The following CDKAL1 variants were observed in gnomAD, a reference collection of about 807,000 sequenced individuals.
CDKAL1 encodes CDKAL1 threonylcarbamoyladenosine tRNA methylthiotransferase.
A neutral mutation model predicts 68.2 loss-of-function variants in CDKAL1; 32 were observed. That is an observed-to-expected ratio of 0.47 (90% CI 0.35 to 0.63). CDKAL1 has a LOEUF of 0.63. Ranked by LOEUF, CDKAL1 falls within the 30% of genes least tolerant of loss-of-function variation. CDKAL1 has a pLI of 0.00. For missense variants in CDKAL1, 606 were observed against 696.7 expected, an observed-to-expected ratio of 0.87 and a Z score of 1.47; for synonymous variants, 234 against 244.3, an observed-to-expected ratio of 0.96 and a Z score of 0.39.
At chr6:20,717,307 A>AT (rs1772144870) in intron 5 of CDKAL1, among the ~76,000 whole-genome samples, 1 of 151,924 alleles carries the variant, frequency 6.6e-6, no homozygotes, top group African/African-American at 2.4e-5. Context: ...ATACATGCGT[A>AT]TATTTATGCT....
chr6:20,850,760 T>C (rs1758963060), intron 9 of CDKAL1, among the ~76,000 whole-genome samples: 1 of 152,138 alleles, frequency 6.6e-6, no homozygotes, highest in Non-Finnish European at 1.5e-5. Context: ...TTATTTCTTG[T>C]TAGTCTAATG....
intron 12 of CDKAL1, among the ~76,000 whole-genome samples, chr6:21,099,792 G>T (rs1773491451): frequency 6.6e-6 from 1 of 152,196 alleles, no homozygotes; most frequent in South Asian, 2.1e-4. Context: ...TATTTTGCAG[G>T]GATTTGACCT....
At chr6:20,733,440 T>C (rs1191509426) in intron 5 of CDKAL1, among the ~76,000 whole-genome samples, 1 of 152,138 alleles carries the variant, frequency 6.6e-6, no homozygotes, top group Non-Finnish European at 1.5e-5. Context: ...AAAAAGGGAT[T>C]TGGAGGAAAC....
chr6:21,209,401 G>A (rs2168984), intron 15 of CDKAL1, among the ~76,000 whole-genome samples: 21,777 of 152,220 alleles, frequency 0.14, 1,633 homozygotes, highest in East Asian at 0.22. Context: ...TATGCAACAT[G>A]CAGGTAGCAC....
At chr6:21,205,992 G>A (rs535251462) in intron 15 of CDKAL1, among the ~76,000 whole-genome samples, 128 of 148,152 alleles carry the variant, frequency 8.6e-4, no homozygotes, top group African/African-American at 3.0e-3. Context: ...CCGCCACCGC[G>A]CCCGGCTAAT....
intron 13 of CDKAL1, among the ~76,000 whole-genome samples, chr6:21,195,180 A>G (rs1009778229): frequency 1.3e-5 from 2 of 151,882 alleles, no homozygotes; most frequent in African/African-American, 2.4e-5. Flanking sequence ...GATTTTGTTT[A>G]GAGACAGAGT....
At chr6:21,059,961 T>G (rs1771057115) in intron 11 of CDKAL1, among the ~76,000 whole-genome samples, 1 of 152,220 alleles carries the variant, frequency 6.6e-6, no homozygotes, top group African/African-American at 2.4e-5. Flanking sequence ...CTATTCTGTC[T>G]GCCTTTGTGT....
intron 13 of CDKAL1, among the ~76,000 whole-genome samples, chr6:21,163,844 G>A (rs1384688325): frequency 6.6e-6 from 1 of 152,088 alleles, no homozygotes; most frequent in East Asian, 1.9e-4. Context: ...TCAGCTACTT[G>A]GAAGGCTGAG....
intron 5 of CDKAL1, among the ~76,000 whole-genome samples, chr6:20,735,116 C>A (rs1227044493): frequency 6.6e-6 from 1 of 151,362 alleles, no homozygotes; most frequent in South Asian, 2.1e-4. Context: ...GCAACCCACC[C>A]GCCTTGGCCT....
chr6:21,036,066 T>C (rs1393233178), intron 11 of CDKAL1, among the ~76,000 whole-genome samples: 4 of 152,188 alleles, frequency 2.6e-5, no homozygotes, highest in East Asian at 1.9e-4. Flanking sequence ...TCAGAAAATA[T>C]ATCTGCTCCA....
intron 13 of CDKAL1, among the ~76,000 whole-genome samples, chr6:21,121,796 G>A (rs1462400199): frequency 1.3e-5 from 2 of 152,214 alleles, no homozygotes; most frequent in African/African-American, 4.8e-5. Context: ...CAACACCAAA[G>A]CAGTTCTTGA....
intron 5 of CDKAL1, among the ~76,000 whole-genome samples, chr6:20,690,142 C>T (rs918750376): frequency 6.6e-6 from 1 of 151,964 alleles, no homozygotes; most frequent in Non-Finnish European, 1.5e-5. Context: ...GAAATTATAT[C>T]GTACATATTT....
chr6:20,671,044 A>G (rs1004980481), intron 5 of CDKAL1, among the ~76,000 whole-genome samples: 2 of 152,196 alleles, frequency 1.3e-5, no homozygotes, highest in Admixed American at 6.5e-5. Flanking sequence ...ATGAATTTCT[A>G]GAGTGCAGAC....
chr6:20,744,271 G>T (rs1354917280), intron 6 of CDKAL1, among the ~76,000 whole-genome samples: 1 of 152,134 alleles, frequency 6.6e-6, no homozygotes. Context: ...CAGAACATAG[G>T]ATGTTCTCTT....
intron 12 of CDKAL1, among the ~76,000 whole-genome samples, chr6:21,070,329 C>G (rs1771703861): frequency 6.6e-6 from 1 of 151,698 alleles, no homozygotes. Context: ...TTAGTCTACA[C>G]TGGCAGTGTG....
chr6:20,847,556 T>A (rs912154124), intron 9 of CDKAL1, among the ~76,000 whole-genome samples: 21 of 152,336 alleles, frequency 1.4e-4, no homozygotes, highest in East Asian at 3.9e-4. Flanking sequence ...ATAATTTTTT[T>A]AAAAATCTAT....
intron 9 of CDKAL1, among the ~76,000 whole-genome samples, chr6:20,856,099 T>C (rs1316926372): frequency 6.6e-6 from 1 of 152,210 alleles, no homozygotes; most frequent in Non-Finnish European, 1.5e-5. Flanking sequence ...GATTCTTGCC[T>C]GCATCTGGTG....
At chr6:20,976,513 CT>C (rs1453415491) in intron 10 of CDKAL1, among the ~76,000 whole-genome samples, 2 of 152,106 alleles carry the variant, frequency 1.3e-5, no homozygotes, top group Non-Finnish European at 2.9e-5. Flanking sequence ...TTTTAAAAAA[CT>C]TTTTATTGTG....
chr6:21,211,436 T>G (rs1463713256), intron 15 of CDKAL1, among the ~76,000 whole-genome samples: 1 of 152,226 alleles, frequency 6.6e-6, no homozygotes, highest in African/African-American at 2.4e-5. Flanking sequence ...GAGGTTTATT[T>G]CCTGCTCACA....
Sources: allele counts gnomAD v4.1 joint callset (sites outside exome capture counted in the v4.1 genomes callset), GRCh38; gene constraint gnomAD v4.1.1; transcripts MANE v1.5; gene names NCBI Gene and HGNC (gene_info 2026-07-23, HGNC 2026-07-21).